Variants in CUX2 observed in about 807,000 individuals in gnomAD.
The protein encoded by CUX2 is homeobox protein cut-like 2.
A neutral mutation model predicts 144.8 loss-of-function variants in CUX2; 40 were observed. The ratio of observed to expected loss-of-function variants is 0.28; its 90% confidence interval spans 0.21 to 0.36. The LOEUF (loss-of-function observed/expected upper bound fraction) is 0.36, where lower values mean the gene tolerates loss of function less well. CUX2 is among the 10% of genes least tolerant of loss of function. The pLI is 1.00. For synonymous variants in CUX2, 827 were observed against 875.6 expected (o/e 0.94, Z 0.98); for missense variants, 1,615 against 1,994.0 (o/e 0.81, Z 3.62).
chr12:111,322,253 G>A lies in CUX2; in HGVS notation c.2767-168G>A, dbSNP rs1367958144. On this transcript the variant is annotated intron_variant, in intron 17 of 21. Transcript: ENST00000261726. This position sits in a 1 kb window ranked among gnomAD's most constrained non-coding sequence, Gnocchi z 4.2. ...GAATCATTTGAACCTGGGAGGCGGA[G>A]TTTGCAGTGAGCTGAGATGGTGCCA... Among the ~76,000 whole-genome samples the A allele has an allele frequency of 6.7e-6, 1 of 149,584 alleles. No homozygotes were observed. Among genetic ancestry groups the A allele is most frequent in the Non-Finnish European group, 1.5e-5 (1 of 67,512 alleles).
chr12:111,070,655 G>A (rs1689581747), intron 1 of CUX2, among the ~76,000 whole-genome samples: 1 of 151,948 alleles, frequency 6.6e-6, no homozygotes, highest in Non-Finnish European at 1.5e-5. Context: ...TTCTTGGTGT[G>A]GTATGTTCTA....
chr12:111,129,103 C>T (rs118099906), intron 1 of CUX2, among the ~76,000 whole-genome samples: 25 of 152,368 alleles, frequency 1.6e-4, no homozygotes, highest in Middle Eastern at 3.4e-3. Flanking sequence ...CTCCATGTGC[C>T]TCCACACTGT....
At chr12:111,230,285 A>C (rs1882400983) in intron 3 of CUX2, among the ~76,000 whole-genome samples, 1 of 152,166 alleles carries the variant, frequency 6.6e-6, no homozygotes, top group South Asian at 2.1e-4. Flanking sequence ...AGTGGGACTC[A>C]CAGGTGAGTT....
intron 3 of CUX2, among the ~76,000 whole-genome samples, chr12:111,248,912 T>C (rs1313443860): frequency 6.6e-6 from 1 of 152,250 alleles, no homozygotes; most frequent in Non-Finnish European, 1.5e-5. Flanking sequence ...TATGGAGGTA[T>C]AATTTACATA....
chr12:111,321,434 G>A (rs1017493413), intron 17 of CUX2, among the ~76,000 whole-genome samples: 3 of 151,582 alleles, frequency 2.0e-5, no homozygotes, highest in South Asian at 2.1e-4. Context: ...TCGCTACTGT[G>A]CTCCAGCCTG....
intron 1 of CUX2, among the ~76,000 whole-genome samples, chr12:111,087,473 G>A (rs890367440): frequency 1.3e-5 from 2 of 151,700 alleles, no homozygotes; most frequent in African/African-American, 2.4e-5. Flanking sequence ...TCATCTTGAT[G>A]CAATGCATGT....
At chr12:111,251,326 C>A (rs765335816) in intron 3 of CUX2, among the ~76,000 whole-genome samples, 1 of 151,814 alleles carries the variant, frequency 6.6e-6, no homozygotes, top group Admixed American at 6.6e-5. Context: ...AGAGAGAGAA[C>A]GAGAGGAAAA....
rs1884958034 is a variant in CUX2, at chr12:111,277,956, G to A, written c.302-13462G>A. 6.6e-6 allele frequency among the ~76,000 whole-genome samples: 1 copy of A among 152,200 alleles called. No homozygotes were observed. Among genetic ancestry groups the A allele is most frequent in the Non-Finnish European group, 1.5e-5 (1 of 68,036 alleles). ...GTTTCTGAAAGCAGGAGGCTGCAGG[G>A]GAGAAGTCATTTCCTTGTCTTTTCC... is the stretch of plus-strand genomic sequence containing the variant. On this transcript the variant is annotated intron_variant, in intron 4 of 21. Coordinates refer to ENST00000261726, the MANE Select transcript of CUX2 (RefSeq NM_015267.4). The surrounding 1 kb of genome is among the most constrained non-coding windows in gnomAD (Gnocchi z 5.0).
intron 1 of CUX2, among the ~76,000 whole-genome samples, chr12:111,207,214 T>A (rs1880969145): frequency 6.6e-6 from 1 of 152,170 alleles, no homozygotes; most frequent in Non-Finnish European, 1.5e-5. Context: ...CTGATCAGTT[T>A]CCATACCCAC....
At chr12:111,300,603 TATAA>T (rs1886243184) in intron 9 of CUX2, among the ~76,000 whole-genome samples, 1 of 152,198 alleles carries the variant, frequency 6.6e-6, no homozygotes. Context: ...GCAAACTTTC[TATAA>T]AGAGTCAGAG....
intron 4 of CUX2, among the ~76,000 whole-genome samples, chr12:111,284,989 T>A (rs1014918129): frequency 3.3e-5 from 5 of 152,144 alleles, no homozygotes; most frequent in Admixed American, 6.6e-5. Flanking sequence ...CAGCCCTGTC[T>A]AAGCCACAGG....
At chr12:111,291,738 A>C (rs1885705981) in intron 5 of CUX2, among the ~76,000 whole-genome samples, 186 bp downstream of exon 5, 1 of 152,152 alleles carries the variant, frequency 6.6e-6, no homozygotes, top group East Asian at 1.9e-4. Context: ...TAGGAGTAAA[A>C]GAGAAAAATC....
intron 1 of CUX2, among the ~76,000 whole-genome samples, chr12:111,105,485 C>CTGTGTGTGTGTG (rs139804461): frequency 2.7e-5 from 4 of 149,598 alleles, no homozygotes; most frequent in African/African-American, 9.8e-5. Flanking sequence ...CTGGAAAGCT[C>CTGTGTGTGTGTG]TGTGTGTGTG....
At chr12:111,076,243 CACTGACTTTATCCAGA>C (rs772281212) in intron 1 of CUX2, among the ~76,000 whole-genome samples, 2 of 152,174 alleles carry the variant, frequency 1.3e-5, no homozygotes, top group Non-Finnish European at 2.9e-5. Context: ...AATCCACCAC[CACTGACTTTATCCAGA>C]ACTGATCTAA....
At chr12:111,107,936 T>C (rs906592221) in intron 1 of CUX2, among the ~76,000 whole-genome samples, 1 of 152,178 alleles carries the variant, frequency 6.6e-6, no homozygotes, top group Non-Finnish European at 1.5e-5. Context: ...GAAACACCAT[T>C]ACATAATGGA....
rs1283588024 is a variant in CUX2, at chr12:111,320,988, C to G, written c.2766+213C>G. Among the ~76,000 whole-genome samples the G allele has an allele frequency of 3.3e-5, 5 of 152,186 alleles. No homozygotes were observed. The highest frequency in any genetic ancestry group is 2.0e-4 in the Admixed American group (3 of 15,282). On this transcript the variant is annotated intron_variant, in intron 17 of 21. Coordinates refer to ENST00000261726, the MANE Select transcript of CUX2 (RefSeq NM_015267.4). This position sits in a 1 kb window ranked among gnomAD's most constrained non-coding sequence, Gnocchi z 8.1. ...TTCCATCCTGGCCAGCAAACAGCCACTTAACTCCCCTCCTCCAGGCCCCTC... is the reference window on the plus strand; with the variant it reads ...TTCCATCCTGGCCAGCAAACAGCCAGTTAACTCCCCTCCTCCAGGCCCCTC...
At chr12:111,280,066 T>C (rs2136313666) in intron 4 of CUX2, among the ~76,000 whole-genome samples, 1 of 152,254 alleles carries the variant, frequency 6.6e-6, no homozygotes, top group South Asian at 2.1e-4. Context: ...GATGGATCAC[T>C]TGAAGTCAGG....
At chr12:111,117,973 C>A (rs1433185854) in intron 1 of CUX2, among the ~76,000 whole-genome samples, 1 of 152,186 alleles carries the variant, frequency 6.6e-6, no homozygotes, top group Non-Finnish European at 1.5e-5. Flanking sequence ...AGCAGCAAGT[C>A]CTAGTTCCTT....
intron 1 of CUX2, among the ~76,000 whole-genome samples, chr12:111,095,124 C>T (rs1872745402): frequency 6.6e-6 from 1 of 152,162 alleles, no homozygotes; most frequent in Non-Finnish European, 1.5e-5. Context: ...TATTGAATGA[C>T]TAGCCATGTG....
Sources: allele counts gnomAD v4.1 joint callset (sites outside exome capture counted in the v4.1 genomes callset), GRCh38; gene constraint gnomAD v4.1.1; non-coding constraint Gnocchi (gnomAD v3.1); transcripts MANE v1.5; gene names NCBI Gene and HGNC (gene_info 2026-07-23, HGNC 2026-07-21).